Variants in PPRC1 observed in about 807,000 individuals in gnomAD.
PPRC1 encodes the protein peroxisome proliferator-activated receptor gamma coactivator-related protein 1.
PPRC1 carries 23 observed loss-of-function variants against 132.5 expected under a neutral mutation model. The observed-to-expected ratio is 0.17, with a 90% CI of 0.12 to 0.25. PPRC1 has a LOEUF of 0.25. Among genes scored for constraint, PPRC1 ranks in the 10% least tolerant of loss-of-function variants. The probability of loss-of-function intolerance (pLI) is 1.00; values close to 1 mark genes in which losing one functional copy is unlikely to be tolerated. For synonymous variants in PPRC1, 872 were observed against 833.5 expected, an observed-to-expected ratio of 1.05 and a Z score of -0.80; for missense variants, 2,006 against 2,089.1, an observed-to-expected ratio of 0.96 and a Z score of 0.78.
At chr10:102,129,456 G>A (rs540399287), upstream of PPRC1, among the ~76,000 whole-genome samples, 6 of 152,206 alleles carry the variant, frequency 3.9e-5, no homozygotes, top group East Asian at 1.2e-3. Flanking sequence ...TAGATTTTAT[G>A]GAGACACCAG....
At chr10:102,130,458 G>A (rs2068523511), upstream of PPRC1, among the ~76,000 whole-genome samples, 1 of 149,970 alleles carries the variant, frequency 6.7e-6, no homozygotes, top group South Asian at 2.1e-4. Context: ...AAACAGGGCT[G>A]GGCGCAGTGG....
Position 102,139,485 on chromosome 10 carries a change from T to G in PPRC1, c.977T>G (p.Leu326Arg). The change falls in exon 5 of 14, where the codon CTT becomes CGT. Residue 326 changes from leucine to arginine, a missense_variant. Leu to Arg is a moderately radical substitution (Grantham distance 102). This residue lies in a region of PPRC1 where 1,914 missense variants were observed against 1,917.2 expected (regional missense o/e 1.00). Transcript: ENST00000278070. ...CCCAACCTCACCCACCTGGCATCAC[T>G]TGAGGATGAGCTTCAGGAGCAGCCA... ...CLPNLTHLAS[L>R]EDELQEQPDD... 1 of 1,614,050 alleles carries G rather than the reference T, an allele frequency of 6.2e-7. No individual in the cohort carries two copies. The highest frequency in any genetic ancestry group is 2.2e-5 in the East Asian group (1 of 44,880).
Position 102,148,600 on chromosome 10 carries a change from G to A in PPRC1, c.4551-28G>A. 5.6e-6 allele frequency: 9 copies of A among 1,613,890 alleles called. No homozygotes were observed. The highest frequency in any genetic ancestry group is 1.1e-5 in the South Asian group (1 of 91,072). ...TGAGTCTTGAATTGTCTTATGTTTG[G>A]GGGGCTGATGACACCCTCTTTTGTC... On this transcript the variant is annotated intron_variant, in intron 10 of 13. Coordinates refer to ENST00000278070, the MANE Select transcript of PPRC1 (RefSeq NM_015062.5). The surrounding 1 kb of genome is among the most constrained non-coding windows in gnomAD (Gnocchi z 4.2).
chr10:102,120,382 T>TGTGTGCGC, the PPRC1 span: 147 of 983,246 alleles, frequency 1.5e-4, no homozygotes, highest in Non-Finnish European at 1.7e-4. Context: ...CGTGTGTGCG[T>TGTGTGCGC]GTGTGCGCGT....
the PPRC1 span, chr10:102,120,191 C>CCGCCGCCCGCGGCCCCCGCTGCGCT: frequency 3.5e-5 from 38 of 1,095,504 alleles, no homozygotes; most frequent in Non-Finnish European, 4.2e-5. Context: ...TGAGCCGCCG[C>CCGCCGCCCGCGGCCCCCGCTGCGCT]CGCCGCCCGC....
chr10:102,149,243 A>G lies in PPRC1; in HGVS notation c.4805A>G (p.His1602Arg). The G allele has an allele frequency of 6.2e-7, 1 of 1,612,460 alleles. No homozygotes were observed. The highest frequency in any genetic ancestry group is 2.2e-5 in the East Asian group (1 of 44,866). ...GCATTTGCAGCCATTGAGAGTGGCC[A>G]CAAGCTGCGGCAGGCAGATGAGCAG... ...EEAFAAIESG[H>R]KLRQADEQPF... Residue 1602 changes from histidine (H) to arginine (R), a missense_variant, in exon 13 of 14, where the codon CAC becomes CGC. This residue lies in a region of PPRC1 where 92 missense variants were observed against 171.9 expected (regional missense o/e 0.54). Transcript: ENST00000278070.
upstream of PPRC1, among the ~76,000 whole-genome samples, chr10:102,130,155 G>C (rs931156059): frequency 1.3e-5 from 2 of 151,996 alleles, no homozygotes; most frequent in African/African-American, 4.8e-5. Context: ...TGTGGCTCAT[G>C]CCTGTAATCC....
chr10:102,139,900 C>G lies in PPRC1; in HGVS notation c.1392C>G (p.Ser464Arg). The change falls in exon 5 of 14, where the codon AGC (serine) becomes AGG (arginine). Residue 464 changes from serine (S) to arginine (R), a missense_variant. By Grantham distance (110) the Ser-to-Arg change is moderately radical (BLOSUM62 -1). Transcript: ENST00000278070. Reference protein sequence around the residue: ...QRARKGRKKKSKEQPAACVEG... With the variant: ...QRARKGRKKKRKEQPAACVEG... The stretch of plus-strand genomic sequence containing the variant: ...CTCGAAAGGGCAGGAAGAAGAAGAG[C>G]AAGGAGCAGCCAGCAGCCTGTGTGG... 6.2e-7 allele frequency: 1 copy of G among 1,614,234 alleles called. No homozygotes were observed. Among genetic ancestry groups the G allele is most frequent in the East Asian group, 2.2e-5 (1 of 44,880 alleles).
rs1406396794 is a variant in PPRC1, at chr10:102,140,885, C to A, written c.2377C>A (p.Pro793Thr). 2.5e-6 allele frequency: 4 copies of A among 1,613,956 alleles called. No homozygotes were observed. Among genetic ancestry groups the A allele is most frequent in the Non-Finnish European group, 3.4e-6 (4 of 1,180,022 alleles). The change falls in exon 5 of 14, where the codon CCT becomes ACT. Residue 793 changes from proline (P) to threonine (T), a missense_variant. This residue lies in a region of PPRC1 where 1,914 missense variants were observed against 1,917.2 expected (regional missense o/e 1.00). Transcript: ENST00000278070. ...GACTCCCACAGGGCTGGCAGACATC[C>A]CTTGTCTTGTCATCCCACCAGCCCC... Reference protein sequence around the residue: ...PETPTGLADIPCLVIPPAPAK... With the variant: ...PETPTGLADITCLVIPPAPAK...
intron 7 of PPRC1, chr10:102,144,573 C>T (rs1369042621): frequency 3.9e-5 from 21 of 540,986 alleles, no homozygotes; most frequent in Middle Eastern, 4.8e-4. Flanking sequence ...CCTGGCAAGT[C>T]ATACCTTTGG....
chr10:102,133,740 G>A lies in PPRC1; in HGVS notation c.153+519G>A, dbSNP rs559767320. 9.9e-5 allele frequency among the ~76,000 whole-genome samples: 15 copies of A among 151,988 alleles called. No homozygotes were observed. The East Asian group carries it at 2.5e-3, about 26-fold the overall frequency. On this transcript the variant is annotated intron_variant, in intron 1 of 13. Transcript: ENST00000278070. ...ACGTGGCTCCCGTCCCAGGCTGTCG[G>A]GCATCTAGTATCGGCCTTGGAGCCT...
rs750301389 is a variant in PPRC1, at chr10:102,140,520, T to G, written c.2012T>G (p.Val671Gly). 1 of 1,614,102 alleles carries G rather than the reference T, an allele frequency of 6.2e-7. No individual in the cohort carries two copies. The highest frequency in any genetic ancestry group is 1.1e-5 in the South Asian group (1 of 91,080). The change falls in exon 5 of 14, where the codon GTT becomes GGT. Residue 671 changes from valine to glycine, a missense_variant. Val to Gly is a moderately radical substitution (Grantham distance 109). This residue lies in a region of PPRC1 where 1,914 missense variants were observed against 1,917.2 expected (regional missense o/e 1.00). Transcript: ENST00000278070. ...CCAGCACCAGTTGATCTAGCACTGG[T>G]TGACCCTGTTCCTAATGACCTGACT... ...SGPAPVDLAL[V>G]DPVPNDLTPV...
At chr10:102,132,277 G>T (rs1365474355), upstream of PPRC1, among the ~76,000 whole-genome samples, 1 of 152,234 alleles carries the variant, frequency 6.6e-6, no homozygotes, top group Non-Finnish European at 1.5e-5. Flanking sequence ...TAGCAAATAT[G>T]AAGTAGCTTT....
rs1410934659 is a variant in PPRC1 at position 102,139,840 on chromosome 10, C to T, written c.1332C>T (p.Asn444=). 6.2e-7 allele frequency: 1 copy of T among 1,614,070 alleles called. No homozygotes were observed. Among genetic ancestry groups the T allele is most frequent in the Non-Finnish European group, 8.5e-7 (1 of 1,180,042 alleles). The stretch of plus-strand genomic sequence containing the variant: ...CGGTGGTGCCCAAGGAGCCTCAGAA[C>T]CCACCTGCCAATGCAGCACCAGGTT... ...VEPVVPKEPQ[N]PPANAAPGSQ... Residue 444 remains asparagine, a synonymous_variant, in exon 5 of 14, where the codon AAC becomes AAT. Transcript: ENST00000278070.
chr10:102,139,682 C>G lies in PPRC1; in HGVS notation c.1174C>G (p.Pro392Ala). The G allele has an allele frequency of 6.2e-7, 1 of 1,614,070 alleles. No individual in the cohort carries two copies. The highest frequency in any genetic ancestry group is 8.5e-7 in the Non-Finnish European group (1 of 1,180,042). Residue 392 changes from proline (P) to alanine (A), a missense_variant, in exon 5 of 14, where the codon CCT (proline) becomes GCT (alanine). Around this residue, in one of 2 missense-constraint regions of PPRC1, gnomAD observed 1,914 missense variants for 1,917.2 expected, o/e 1.00. Coordinates refer to ENST00000278070, the MANE Select transcript of PPRC1 (RefSeq NM_015062.5). Reference protein sequence around the residue: ...ETSSALQLLMPTLESETEAAV... With the variant: ...ETSSALQLLMATLESETEAAV... Reference sequence around the variant, plus strand: ...TAGTTCTGCCTTGCAGCTGCTTATGCCTACACTGGAGTCAGAGACAGAGGC... The same window carrying G: ...TAGTTCTGCCTTGCAGCTGCTTATGGCTACACTGGAGTCAGAGACAGAGGC...
rs1491170914 is a variant in PPRC1, at chr10:102,145,005, TTC to T, written c.3609-14_3609-13del. ...AAGGCAATGAATCAGGCTTTCCCTT[TTC>T]CCCCCCCGCCAGCGGCGTTGACATT... On this transcript the variant is annotated splice_polypyrimidine_tract_variant and intron_variant, in intron 7 of 13. Transcript: ENST00000278070. The T allele has an allele frequency of 1.0e-5, 15 of 1,464,900 alleles. No homozygotes were observed. Among genetic ancestry groups the T allele is most frequent in the South Asian group, 2.5e-5 (2 of 80,332 alleles). The allele number at this position is 1,464,900 out of a possible 1,614,324, so 90.7% of individuals were successfully genotyped here. A position where few individuals can be genotyped will look rare whatever the true frequency, so the allele number is the denominator to read the frequency against.
At position 102,133,103 on chromosome 10, in the gene PPRC1, C is replaced by T. The variant is rs2068580413; in HGVS notation, c.35C>T (p.Ala12Val). Residue 12 changes from alanine (A) to valine (V), a missense_variant, in exon 1 of 14, where the codon GCG (alanine) becomes GTG (valine). Ala to Val is a moderately conservative substitution (Grantham distance 64). This residue lies in a region of PPRC1 where 1,914 missense variants were observed against 1,917.2 expected (regional missense o/e 1.00). Coordinates refer to ENST00000278070, the MANE Select transcript of PPRC1 (RefSeq NM_015062.5). ...AARRGRRDGV[A>V]PPPSGGPGPD... is the part of the protein sequence containing the mutation. ...CGCCGGGGACGGAGAGACGGAGTCGCGCCGCCCCCGAGTGGGGGCCCCGGT... is the reference window on the plus strand; with the variant it reads ...CGCCGGGGACGGAGAGACGGAGTCGTGCCGCCCCCGAGTGGGGGCCCCGGT... 3.2e-6 allele frequency: 4 copies of T among 1,244,236 alleles called. No homozygotes were observed. Among genetic ancestry groups the T allele is most frequent in the Admixed American group, 8.4e-5 (2 of 23,720 alleles). 77.1% of individuals were successfully genotyped at this position (1,244,236 alleles called of 1,614,324 possible).
the PPRC1 span, among the ~76,000 whole-genome samples, chr10:102,122,894 C>A: frequency 1.3e-5 from 2 of 152,202 alleles, no homozygotes; most frequent in African/African-American, 4.8e-5. Context: ...TCATGAGGAC[C>A]TTTGGAAGAA....
intron 13 of PPRC1, 132 bp from the exon 14 acceptor site, chr10:102,149,794 C>T: frequency 4.1e-6 from 3 of 727,136 alleles, no homozygotes; most frequent in Non-Finnish European, 7.4e-6. Flanking sequence ...GGGGACTCTC[C>T]TATCTCTTTG....
Sources: allele counts gnomAD v4.1 joint callset (sites outside exome capture counted in the v4.1 genomes callset), GRCh38; gene constraint gnomAD v4.1.1; regional missense constraint gnomAD v4.1.1; non-coding constraint Gnocchi (gnomAD v3.1); transcripts MANE v1.5; gene names NCBI Gene and HGNC (gene_info 2026-07-23, HGNC 2026-07-21).